The following MIX23 variants were observed in gnomAD, a reference collection of about 807,000 sequenced individuals.
MIX23 encodes the protein mitochondrial matrix import factor 23, also known as protein MIX23.
In MIX23, 13 loss-of-function variants were observed where a neutral mutation model predicts 21.6. The ratio of observed to expected loss-of-function variants is 0.60; its 90% CI spans 0.39 to 0.96. The LOEUF (loss-of-function observed/expected upper bound fraction) is 0.96, where lower values mean the gene tolerates loss of function less well. MIX23 is among the 40% of genes least tolerant of loss of function. The probability of loss-of-function intolerance (pLI) is 0.00; values close to 1 mark genes in which losing one functional copy is unlikely to be tolerated. For missense variants in MIX23, 144 were observed against 171.2 expected (o/e 0.84, Z 0.89); for synonymous variants, 59 against 58.0 (o/e 1.02, Z -0.08).
In MIX23 at chr3:122,383,210, A is replaced by T; in HGVS notation, c.15T>A (p.Ser5Arg). MAAP[S>R]GGVNCEEFAE... is the part of the protein sequence containing the mutation. ...CGAACTCCTCACAGTTCACACCGCC[A>T]CTGGGCGCCGCCATATTGGACAAAC... The change falls in exon 1 of 5, where the codon AGT becomes AGA. Residue 5 changes from serine to arginine, a missense_variant. Coordinates refer to ENST00000291458, the MANE Select transcript of MIX23 (RefSeq NM_001017928.4). 1 of 1,612,992 alleles carries T rather than the reference A, an allele frequency of 6.2e-7. No homozygotes were observed. The highest frequency in any genetic ancestry group is 2.2e-5 in the East Asian group (1 of 44,890).
intron 1 of MIX23, among the ~76,000 whole-genome samples, chr3:122,375,261 T>C (rs1421208525): frequency 6.6e-6 from 1 of 152,158 alleles, no homozygotes. Context: ...GAAAATAAAA[T>C]AGCATGACTT....
chr3:122,372,983 C>T (rs1186946682), intron 1 of MIX23: 2 of 418,870 alleles, frequency 4.8e-6, no homozygotes, highest in East Asian at 7.5e-5. Context: ...TACTTCTTAC[C>T]TTTGCCAAAC....
chr3:122,361,258 T>C (rs1007667230), intron 4 of MIX23, among the ~76,000 whole-genome samples: 3 of 152,216 alleles, frequency 2.0e-5, no homozygotes, highest in Non-Finnish European at 4.4e-5. Flanking sequence ...CATCTCACAA[T>C]TAATAGAAAA....
chr3:122,367,128 G>A (rs575545318), intron 3 of MIX23, among the ~76,000 whole-genome samples: 3 of 151,950 alleles, frequency 2.0e-5, no homozygotes, highest in Non-Finnish European at 4.4e-5. Context: ...AGGGAGGAAG[G>A]CAGGGAAGGA....
chr3:122,377,177 T>C (rs544136066), intron 1 of MIX23, among the ~76,000 whole-genome samples: 85 of 152,244 alleles, frequency 5.6e-4, no homozygotes, highest in African/African-American at 2.0e-3. Flanking sequence ...CGAGACTCCA[T>C]CTCCGAAAAG....
intron 3 of MIX23, among the ~76,000 whole-genome samples, chr3:122,364,853 C>G (rs878899940): frequency 6.6e-6 from 1 of 152,128 alleles, no homozygotes; most frequent in African/African-American, 2.4e-5. Flanking sequence ...ACATGCCCCC[C>G]AGAAATAAGA....
Position 122,373,984 on chromosome 3 carries a change from T to C in MIX23, c.52-2184A>G, listed in dbSNP as rs75267400. Among the ~76,000 whole-genome samples the C allele has an allele frequency of 5.7e-3, 869 of 151,980 alleles. 7 individuals are homozygous for C. The highest frequency in any genetic ancestry group is 9.0e-3 in the Non-Finnish European group (611 of 67,998). ...CACATAGTGAAGGATATATGTATTG[T>C]GCTTAAGTGGTAAATTCCAAACAAA... On this transcript the variant is annotated intron_variant, in intron 1 of 4. Transcript: ENST00000291458.
chr3:122,361,825 T>A (rs780859147), intron 4 of MIX23, among the ~76,000 whole-genome samples: 25 of 152,212 alleles, frequency 1.6e-4, no homozygotes, highest in Non-Finnish European at 2.5e-4. Context: ...GATAGAGAAA[T>A]GTGATAAAGC....
intron 2 of MIX23, among the ~76,000 whole-genome samples, chr3:122,370,861 T>C (rs1210163992): frequency 6.6e-6 from 1 of 152,218 alleles, no homozygotes; most frequent in Non-Finnish European, 1.5e-5. Context: ...TAAAATAACA[T>C]ACTTTAACAC....
intron 1 of MIX23, among the ~76,000 whole-genome samples, chr3:122,377,637 C>A (rs1190239331): frequency 6.6e-6 from 1 of 152,058 alleles, no homozygotes; most frequent in African/African-American, 2.4e-5. Flanking sequence ...CTGCTTACGG[C>A]TAGGAGTTCA....
At chr3:122,372,849 T>G (rs1377111071) in intron 1 of MIX23, 7 of 238,594 alleles carry the variant, frequency 2.9e-5, no homozygotes, top group Non-Finnish European at 4.1e-5. Context: ...AAAGAACGAA[T>G]GAAAATAAAA....
chr3:122,373,500 C>T (rs866558777), intron 1 of MIX23, among the ~76,000 whole-genome samples: 2 of 152,036 alleles, frequency 1.3e-5, no homozygotes, highest in South Asian at 4.2e-4. Context: ...TCTTGAACTC[C>T]TGGACTCAAG....
chr3:122,362,563 C>T (rs1472507895), intron 4 of MIX23, among the ~76,000 whole-genome samples: 1 of 151,642 alleles, frequency 6.6e-6, no homozygotes, highest in Non-Finnish European at 1.5e-5. Flanking sequence ...CTCACTCCAA[C>T]CTCTGCCTCC....
At chr3:122,361,777 G>C (rs2075360701) in intron 4 of MIX23, among the ~76,000 whole-genome samples, 1 of 152,158 alleles carries the variant, frequency 6.6e-6, no homozygotes, top group Admixed American at 6.5e-5. Flanking sequence ...CATGTTGGTG[G>C]AAAGGGCAGG....
intron 2 of MIX23, among the ~76,000 whole-genome samples, chr3:122,369,711 G>T (rs2107680718): frequency 6.6e-6 from 1 of 152,212 alleles, no homozygotes; most frequent in East Asian, 1.9e-4. Flanking sequence ...AACAACTTGT[G>T]ATTCTCACAG....
At chr3:122,375,863 T>A (rs747133093) in intron 1 of MIX23, among the ~76,000 whole-genome samples, 6 of 151,698 alleles carry the variant, frequency 4.0e-5, no homozygotes, top group Non-Finnish European at 5.9e-5. Flanking sequence ...CAAAGGAAAA[T>A]AAATCATTAT....
At chr3:122,383,113 G>A in intron 1 of MIX23, 61 bp downstream of exon 1, 1 of 1,595,774 alleles carries the variant, frequency 6.3e-7, no homozygotes, top group Non-Finnish European at 8.6e-7. Flanking sequence ...TCGCAAAGCA[G>A]GGAATAGGGT....
chr3:122,381,518 T>C (rs1297801243), intron 1 of MIX23, among the ~76,000 whole-genome samples: 3 of 152,032 alleles, frequency 2.0e-5, no homozygotes, highest in Non-Finnish European at 2.9e-5. Flanking sequence ...ACCTGAGGTC[T>C]GGAGTTTGGA....
chr3:122,380,668 T>C (rs1331462015), intron 1 of MIX23, among the ~76,000 whole-genome samples: 1 of 152,212 alleles, frequency 6.6e-6, no homozygotes, highest in Non-Finnish European at 1.5e-5. Flanking sequence ...AAAGGTCTTA[T>C]ATGCCATGTT....
Sources: gnomAD v4.1 joint callset for allele counts (sites outside exome capture counted in the v4.1 genomes callset) on GRCh38, gnomAD v4.1.1 for gene constraint, MANE v1.5 for transcripts, NCBI Gene and HGNC (gene_info 2026-07-23, HGNC 2026-07-21) for gene names.